Variants in SMNDC1 observed in about 807,000 individuals in gnomAD.
The protein encoded by SMNDC1 is survival of motor neuron-related-splicing factor 30.
In SMNDC1, 5 loss-of-function variants were observed where a neutral mutation model predicts 29.2. The observed-to-expected ratio is 0.17, with a 90% CI of 0.09 to 0.36. The LOEUF (loss-of-function observed/expected upper bound fraction) is 0.36, where lower values mean the gene tolerates loss of function less well. Ranked by LOEUF, SMNDC1 falls within the 10% of genes least tolerant of loss-of-function variation. The pLI, the probability that SMNDC1 is intolerant of heterozygous loss-of-function variation, is 1.00. For synonymous variants in SMNDC1, 80 were observed against 89.9 expected (o/e 0.89, Z 0.62); for missense variants, 142 against 268.5 (o/e 0.53, Z 3.29).
chr10:110,294,997 A>C (rs1857545683), intron 5 of SMNDC1, among the ~76,000 whole-genome samples: 1 of 152,248 alleles, frequency 6.6e-6, no homozygotes. Context: ...GAAGGAAAAG[A>C]ACATAGACCT....
chr10:110,294,615 T>C (rs1362612994), intron 5 of SMNDC1, among the ~76,000 whole-genome samples: 2 of 152,232 alleles, frequency 1.3e-5, no homozygotes, highest in East Asian at 1.9e-4. Context: ...TCTGGCTGTA[T>C]TGTGGTTTAC....
intron 5 of SMNDC1, among the ~76,000 whole-genome samples, chr10:110,294,881 A>C (rs780012194): frequency 1.3e-4 from 20 of 152,216 alleles, no homozygotes; most frequent in Non-Finnish European, 2.8e-4. Flanking sequence ...TGCACTTTTA[A>C]ATAAAATCTA....
In SMNDC1 at chr10:110,293,751, G is replaced by GT. The variant is rs1268689880; in HGVS notation, c.*398dup. 6.5e-6 allele frequency: 1 copy of GT among 153,712 alleles called. No homozygotes were observed. Among genetic ancestry groups the GT allele is most frequent in the Non-Finnish European group, 1.4e-5 (1 of 69,118 alleles). The allele number at this position is 153,712 out of a possible 1,614,324, so 9.5% of individuals were successfully genotyped here. On this transcript the variant is annotated 3_prime_UTR_variant, in exon 6 of 6. Transcript: ENST00000369603. Reference sequence around the variant, plus strand: ...AAAAGATCTCTTTTAGCAGGTTGGTGTTTTTGCCTTGGTGTTCCAATGAAT... The same window carrying GT: ...AAAAGATCTCTTTTAGCAGGTTGGTGTTTTTTGCCTTGGTGTTCCAATGAAT...
chr10:110,303,847 ATTTTC>A (rs1316046619), intron 1 of SMNDC1: 3 of 385,028 alleles, frequency 7.8e-6, no homozygotes, highest in Non-Finnish European at 1.4e-5. Flanking sequence ...GAAATTTCTA[ATTTTC>A]TTTTAACTCC....
intron 2 of SMNDC1, among the ~76,000 whole-genome samples, chr10:110,301,224 C>A (rs1857642441): frequency 6.8e-6 from 1 of 147,606 alleles, no homozygotes; most frequent in Non-Finnish European, 1.5e-5. Flanking sequence ...GCATGAGATA[C>A]ATCCCAGAAG....
In SMNDC1 at chr10:110,292,283, C is replaced by T. The variant is rs1857507829; in HGVS notation, c.*1867G>A. The T allele has an allele frequency of 2.3e-5, 1 of 44,160 alleles. No individual in the cohort carries two copies. Among genetic ancestry groups the T allele is most frequent in the Non-Finnish European group, 3.9e-5 (1 of 25,768 alleles). 2.7% of individuals were successfully genotyped at this position (44,160 alleles called of 1,614,324 possible). A position where few individuals can be genotyped will look rare whatever the true frequency, so the allele number is the denominator to read the frequency against. ...TCATTCTAAAGGTCTATTTTCAAAA[C>T]ATTTTTTTTTAAGGTCACTTTTATT... On this transcript the variant is annotated 3_prime_UTR_variant, in exon 6 of 6. Coordinates refer to ENST00000369603, the MANE Select transcript of SMNDC1 (RefSeq NM_005871.4).
intron 4 of SMNDC1, 53 bp downstream of exon 4, chr10:110,297,514 A>G (rs1180208422): frequency 3.9e-6 from 6 of 1,541,016 alleles, no homozygotes; most frequent in East Asian, 2.2e-5. Flanking sequence ...GACTACTTCA[A>G]GTATCCAAAT....
chr10:110,296,523 G>A (rs1857564762), intron 4 of SMNDC1, among the ~76,000 whole-genome samples: 1 of 152,156 alleles, frequency 6.6e-6, no homozygotes, highest in African/African-American at 2.4e-5. Flanking sequence ...AGACTAAGTT[G>A]TGGCAAATAT....
intron 3 of SMNDC1, 43 bp from the exon 4 acceptor site, chr10:110,297,771 G>A: frequency 1.9e-6 from 3 of 1,569,040 alleles, no homozygotes; most frequent in Non-Finnish European, 2.6e-6. Flanking sequence ...TAAAGGTTTA[G>A]TACTCAGCCT....
chr10:110,294,467 G>C (rs10884945), intron 5 of SMNDC1, among the ~76,000 whole-genome samples, 180 bp from the exon 6 acceptor site: 74,166 of 152,136 alleles, frequency 0.49, 21,819 homozygotes, highest in East Asian at 0.84. Flanking sequence ...GCCATTTACT[G>C]TAACTTCTAA....
chr10:110,303,903 G>A (rs1261384540), intron 1 of SMNDC1: 1 of 239,972 alleles, frequency 4.2e-6, no homozygotes, highest in Non-Finnish European at 7.9e-6. Context: ...AATAATCAGT[G>A]TTATCTTTTT....
chr10:110,297,493 T>A, intron 4 of SMNDC1, 74 bp downstream of exon 4: 1 of 1,348,186 alleles, frequency 7.4e-7, no homozygotes, highest in Non-Finnish European at 1.0e-6. Context: ...TATGCATAGA[T>A]TCTCTCTGCA....
At chr10:110,300,423 G>A in intron 2 of SMNDC1, 2 of 385,866 alleles carry the variant, frequency 5.2e-6, no homozygotes, top group Non-Finnish European at 7.1e-6. Context: ...CTTTGCCATG[G>A]TTTTACATAA....
At chr10:110,296,955 C>T (rs1857570975) in intron 4 of SMNDC1, among the ~76,000 whole-genome samples, 1 of 152,192 alleles carries the variant, frequency 6.6e-6, no homozygotes, top group South Asian at 2.1e-4. Context: ...AATGTACTGC[C>T]CCTATCTTAC....
rs1168121970 is a variant in SMNDC1, at chr10:110,291,998, CTACAT to C, written c.*2147_*2151del. 6.6e-6 allele frequency: 1 copy of C among 152,142 alleles called. No individual in the cohort carries two copies. The highest frequency in any genetic ancestry group is 2.4e-5 in the African/African-American group (1 of 41,412). The allele number at this position is 152,142 out of a possible 1,614,324, so 9.4% of individuals were successfully genotyped here. A position where few individuals can be genotyped will look rare whatever the true frequency, so the allele number is the denominator to read the frequency against. On this transcript the variant is annotated 3_prime_UTR_variant, in exon 6 of 6. Coordinates refer to ENST00000369603, the MANE Select transcript of SMNDC1 (RefSeq NM_005871.4). ...GTCTCCTTTCTTAATGGGGAAAACT[CTACAT>C]TAAATTTTCTAACAAAGCTTTTTAA...
intron 4 of SMNDC1, 40 bp downstream of exon 4, chr10:110,297,527 G>A: frequency 6.3e-7 from 1 of 1,586,930 alleles, no homozygotes; most frequent in Non-Finnish European, 8.6e-7. Context: ...ATCCAAATGG[G>A]GAAGATTGCA....
intron 2 of SMNDC1, among the ~76,000 whole-genome samples, chr10:110,302,136 T>G (rs1340528471): frequency 6.6e-6 from 1 of 152,158 alleles, no homozygotes; most frequent in African/African-American, 2.4e-5. Context: ...TTACAGAGTG[T>G]AAGAAAATAA....
intron 4 of SMNDC1, 123 bp downstream of exon 4, chr10:110,297,444 A>G: frequency 2.3e-6 from 2 of 866,592 alleles, no homozygotes; most frequent in Non-Finnish European, 3.6e-6. Context: ...CTTTGTTGCT[A>G]ATCTTCAAAA....
rs574857055 is a variant in SMNDC1 at position 110,299,282 on chromosome 10, G to A, written c.121-492C>T. On this transcript the variant is annotated intron_variant, in intron 2 of 5. Coordinates refer to ENST00000369603, the MANE Select transcript of SMNDC1 (RefSeq NM_005871.4). ...AAATGTTCCTACTTATACATATCTC[G>A]ACTAAAATACTACAGGCAATGTAAA... Among the ~76,000 whole-genome samples, 10 of 152,122 alleles carry A rather than the reference G, an allele frequency of 6.6e-5. No homozygotes were observed. The South Asian group carries it at 2.1e-3, about 32-fold the overall frequency.
Sources: allele counts gnomAD v4.1 joint callset (sites outside exome capture counted in the v4.1 genomes callset), GRCh38; gene constraint gnomAD v4.1.1; transcripts MANE v1.5; gene names NCBI Gene and HGNC (gene_info 2026-07-23, HGNC 2026-07-21).